NRG3: variants seen among roughly 807,000 people sequenced by gnomAD.
The protein encoded by NRG3 is pro-neuregulin-3, membrane-bound isoform.
Under a neutral mutation model 66.9 loss-of-function variants are expected in NRG3, and 31 were observed. That is an observed-to-expected ratio of 0.46 (90% CI 0.35 to 0.63). NRG3 has a LOEUF of 0.63. Among genes scored for constraint, NRG3 ranks in the 20% least tolerant of loss-of-function variants. The probability of loss-of-function intolerance (pLI) is 0.00; values close to 1 mark genes in which losing one functional copy is unlikely to be tolerated. For missense variants in NRG3, 910 were observed against 878.9 expected, an observed-to-expected ratio of 1.04 and a Z score of -0.45; for synonymous variants, 393 against 359.4, an observed-to-expected ratio of 1.09 and a Z score of -1.06.
chr10:82,684,224 T>C lies in NRG3; in HGVS notation c.954-54353T>C, dbSNP rs571152697. ...TCAGGGATAATGGGTAATGTAATCATGCTCTTGCACTAAGCAAATAAATTA... is the reference window on the plus strand; with the variant it reads ...TCAGGGATAATGGGTAATGTAATCACGCTCTTGCACTAAGCAAATAAATTA... On this transcript the variant is annotated intron_variant, in intron 2 of 8. Transcript: ENST00000372141. Among the ~76,000 whole-genome samples, 5 of 152,372 alleles carry C rather than the reference T, an allele frequency of 3.3e-5. No individual in the cohort carries two copies. The South Asian group carries it at 1.0e-3, about 32-fold the overall frequency.
chr10:82,389,639 T>C (rs2086223912), intron 2 of NRG3, among the ~76,000 whole-genome samples: 1 of 152,210 alleles, frequency 6.6e-6, no homozygotes, highest in Non-Finnish European at 1.5e-5. Context: ...TATAAGTTAA[T>C]ATTCTGAATT....
At chr10:82,421,024 C>G (rs1008321018) in intron 2 of NRG3, among the ~76,000 whole-genome samples, 1 of 152,040 alleles carries the variant, frequency 6.6e-6, no homozygotes, top group Non-Finnish European at 1.5e-5. Context: ...TGAGGCATTT[C>G]TTTATGGTGC....
chr10:82,893,025 T>A (rs924222891), intron 4 of NRG3, among the ~76,000 whole-genome samples: 7 of 152,126 alleles, frequency 4.6e-5, no homozygotes, highest in Admixed American at 4.6e-4. Context: ...TAATGGGATA[T>A]CTTAGGCACC....
intron 1 of NRG3, among the ~76,000 whole-genome samples, chr10:82,202,208 ACT>A (rs1159719252): frequency 2.0e-5 from 3 of 152,142 alleles, no homozygotes; most frequent in Non-Finnish European, 4.4e-5. Flanking sequence ...AAGCCCCCTG[ACT>A]CACACACATG....
Position 82,559,486 on chromosome 10 carries a change from A to G in NRG3, c.954-179091A>G, listed in dbSNP as rs528719696. ...AAGGAATGGGCCTCTATTATGAGCC[A>G]TGCTGTGTCCAGTCATCAGGTGCTA... On this transcript the variant is annotated intron_variant, in intron 2 of 8. Transcript: ENST00000372141. 4.6e-5 allele frequency among the ~76,000 whole-genome samples: 7 copies of G among 152,338 alleles called. No individual in the cohort carries two copies. In the South Asian group the frequency reaches 1.4e-3, roughly 32 times the overall value.
At chr10:82,150,830 G>A (rs545391883) in intron 1 of NRG3, among the ~76,000 whole-genome samples, 2 of 152,102 alleles carry the variant, frequency 1.3e-5, no homozygotes, top group South Asian at 4.2e-4. Flanking sequence ...TCTAAGCCTA[G>A]GACATTTTCT....
chr10:82,558,417 C>T (rs1349099190), intron 2 of NRG3, among the ~76,000 whole-genome samples: 1 of 152,118 alleles, frequency 6.6e-6, no homozygotes, highest in Non-Finnish European at 1.5e-5. Flanking sequence ...ACTCAGCTTT[C>T]CTGCAGATTA....
At chr10:82,787,390 A>C (rs1022571905) in intron 3 of NRG3, among the ~76,000 whole-genome samples, 3 of 152,202 alleles carry the variant, frequency 2.0e-5, no homozygotes, top group African/African-American at 7.2e-5. Flanking sequence ...CTAGGCGATC[A>C]TATCATGCTA....
intron 6 of NRG3, among the ~76,000 whole-genome samples, chr10:82,970,239 GTTAGCACCACGGCT>G (rs1404091364): frequency 6.6e-6 from 1 of 152,182 alleles, no homozygotes; most frequent in Non-Finnish European, 1.5e-5. Flanking sequence ...TGCTCTTCAA[GTTAGCACCACGGCT>G]ACTTTTCCAG....
chr10:82,174,023 A>T (rs1245848829), intron 1 of NRG3, among the ~76,000 whole-genome samples: 1 of 152,106 alleles, frequency 6.6e-6, no homozygotes, highest in Non-Finnish European at 1.5e-5. Flanking sequence ...CTCATGCATC[A>T]TCTGGACTAT....
At chr10:82,509,018 C>G (rs1194806684) in intron 2 of NRG3, among the ~76,000 whole-genome samples, 1 of 152,190 alleles carries the variant, frequency 6.6e-6, no homozygotes, top group Non-Finnish European at 1.5e-5. Context: ...ATAACTTTAT[C>G]TCTTAATCTA....
At chr10:82,921,614 T>C (rs538474421) in intron 4 of NRG3, among the ~76,000 whole-genome samples, 17 of 152,192 alleles carry the variant, frequency 1.1e-4, no homozygotes, top group Non-Finnish European at 2.5e-4. Context: ...ATTTAAACAC[T>C]ACAAATAGAA....
At chr10:82,605,839 A>T (rs1030713336) in intron 2 of NRG3, among the ~76,000 whole-genome samples, 1 of 152,040 alleles carries the variant, frequency 6.6e-6, no homozygotes, top group Non-Finnish European at 1.5e-5. Flanking sequence ...GAGTTTTGAC[A>T]TAGAAATTTT....
chr10:82,229,199 C>G (rs2076325281), intron 1 of NRG3: 2 of 152,064 alleles, frequency 1.3e-5, no homozygotes, highest in Admixed American at 6.6e-5. Flanking sequence ...TAAAAGGGAC[C>G]ATTGCAGCAT....
At chr10:82,158,895 C>CA (rs1298174368) in intron 1 of NRG3, among the ~76,000 whole-genome samples, 1 of 151,834 alleles carries the variant, frequency 6.6e-6, no homozygotes, top group Non-Finnish European at 1.5e-5. Flanking sequence ...TTAGTTTACT[C>CA]ACTCAAGCTT....
At chr10:82,461,494 A>T (rs996116918) in intron 2 of NRG3, among the ~76,000 whole-genome samples, 7 of 152,088 alleles carry the variant, frequency 4.6e-5, no homozygotes, top group African/African-American at 1.7e-4. Context: ...CATTCTTATC[A>T]TTGCACATGT....
intron 2 of NRG3, among the ~76,000 whole-genome samples, chr10:82,728,393 C>T (rs748748625): frequency 4.6e-5 from 7 of 152,100 alleles, no homozygotes; most frequent in Non-Finnish European, 1.0e-4. Flanking sequence ...ATGCTGTTCT[C>T]ATGATACTAA....
At chr10:82,635,543 C>G (rs17100360) in intron 2 of NRG3, among the ~76,000 whole-genome samples, 1 of 151,876 alleles carries the variant, frequency 6.6e-6, no homozygotes, top group Non-Finnish European at 1.5e-5. Context: ...GAGGGGAAAA[C>G]GCCCCTTCTT....
intron 2 of NRG3, among the ~76,000 whole-genome samples, chr10:82,532,444 A>G (rs1847352042): frequency 6.7e-6 from 1 of 149,304 alleles, no homozygotes; most frequent in Admixed American, 6.7e-5. Context: ...GGATTACTAT[A>G]TATCTATTAC....
Sources: allele counts gnomAD v4.1 joint callset (sites outside exome capture counted in the v4.1 genomes callset), GRCh38; gene constraint gnomAD v4.1.1; transcripts MANE v1.5; gene names NCBI Gene and HGNC (gene_info 2026-07-23, HGNC 2026-07-21).